Variants in EPHA3 observed in about 807,000 individuals in gnomAD.
EPHA3 encodes the protein EPH receptor A3.
In EPHA3, 42 loss-of-function variants were observed where a neutral mutation model predicts 107.1. That is an observed-to-expected ratio of 0.39 (90% CI 0.31 to 0.51). The LOEUF (loss-of-function observed/expected upper bound fraction) is 0.51, where lower values mean the gene tolerates loss of function less well. EPHA3 is among the 20% of genes least tolerant of loss of function. EPHA3 has a pLI of 0.78. For synonymous variants in EPHA3, 461 were observed against 424.8 expected, an observed-to-expected ratio of 1.09 and a Z score of -1.05; for missense variants, 1,183 against 1,211.2, an observed-to-expected ratio of 0.98 and a Z score of 0.35.
At chr3:89,324,733 A>G (rs534201863) in intron 3 of EPHA3, among the ~76,000 whole-genome samples, 8 of 152,198 alleles carry the variant, frequency 5.3e-5, no homozygotes, top group African/African-American at 1.7e-4. Flanking sequence ...GATTCAGAGC[A>G]TACATGTTCA....
chr3:89,438,677 T>C (rs938958664), intron 13 of EPHA3, among the ~76,000 whole-genome samples: 27 of 152,300 alleles, frequency 1.8e-4, no homozygotes, highest in South Asian at 4.1e-4. Flanking sequence ...AATAACAAAA[T>C]ATCTAATTTG....
intron 5 of EPHA3, among the ~76,000 whole-genome samples, chr3:89,388,152 T>TTTTGA (rs750054780): frequency 3.3e-5 from 5 of 152,158 alleles, no homozygotes; most frequent in Non-Finnish European, 7.4e-5. Flanking sequence ...TTCATTGCCA[T>TTTTGA]TTTGATTTTA....
At chr3:89,224,194 A>G (rs190815424) in intron 3 of EPHA3, among the ~76,000 whole-genome samples, 1 of 152,300 alleles carries the variant, frequency 6.6e-6, no homozygotes, top group Admixed American at 6.5e-5. Context: ...GATTTATAGC[A>G]TCTCTCCTAT....
chr3:89,355,404 C>G (rs949718360), intron 5 of EPHA3, among the ~76,000 whole-genome samples: 5 of 151,272 alleles, frequency 3.3e-5, no homozygotes, highest in African/African-American at 1.2e-4. Flanking sequence ...AAATAATCCA[C>G]TGTTTATAAG....
intron 3 of EPHA3, among the ~76,000 whole-genome samples, chr3:89,339,881 T>G (rs1707478626): frequency 6.6e-6 from 1 of 152,150 alleles, no homozygotes; most frequent in African/African-American, 2.4e-5. Flanking sequence ...GCTTTAGAAG[T>G]TTTAGAAATT....
chr3:89,438,942 T>C (rs1709726563), intron 13 of EPHA3, among the ~76,000 whole-genome samples: 2 of 152,176 alleles, frequency 1.3e-5, no homozygotes, highest in Admixed American at 1.3e-4. Context: ...TTTAAACATG[T>C]AAAAAACAAC....
At chr3:89,445,265 A>G (rs1709858224) in intron 13 of EPHA3, among the ~76,000 whole-genome samples, 1 of 152,164 alleles carries the variant, frequency 6.6e-6, no homozygotes, top group South Asian at 2.1e-4. Context: ...ATGGACTTCA[A>G]CACTAAAATT....
intron 14 of EPHA3, 70 bp downstream of exon 14, chr3:89,449,444 A>C: frequency 7.3e-7 from 1 of 1,368,806 alleles, no homozygotes; most frequent in African/African-American, 1.4e-5. Flanking sequence ...AGTGGAACAT[A>C]ATGTAACTGG....
At chr3:89,157,019 A>T (rs1704822723) in intron 2 of EPHA3, among the ~76,000 whole-genome samples, 1 of 152,084 alleles carries the variant, frequency 6.6e-6, no homozygotes, top group Non-Finnish European at 1.5e-5. Flanking sequence ...TGTGGCAGAA[A>T]CAAGGTGTCT....
At chr3:89,351,285 A>T (rs1226450425) in intron 5 of EPHA3, among the ~76,000 whole-genome samples, 2 of 150,896 alleles carry the variant, frequency 1.3e-5, no homozygotes, top group Non-Finnish European at 3.0e-5. Context: ...TGGGCGTAGG[A>T]CCCTCTGAGC....
At chr3:89,133,851 C>A (rs1255363858) in intron 2 of EPHA3, among the ~76,000 whole-genome samples, 2 of 151,994 alleles carry the variant, frequency 1.3e-5, no homozygotes, top group African/African-American at 4.8e-5. Context: ...ACAGTGACCA[C>A]GGCTTTTTTA....
chr3:89,339,158 G>T (rs928214648), intron 3 of EPHA3, among the ~76,000 whole-genome samples: 3 of 151,994 alleles, frequency 2.0e-5, no homozygotes, highest in African/African-American at 7.2e-5. Context: ...GGATCACAAG[G>T]TCAGGAGGTC....
chr3:89,395,857 A>G lies in EPHA3; in HGVS notation c.1327A>G (p.Ile443Val). 1 of 1,614,010 alleles carries G rather than the reference A, an allele frequency of 6.2e-7. No homozygotes were observed. The highest frequency in any genetic ancestry group is 1.1e-5 in the South Asian group (1 of 91,072). The change falls in exon 6 of 17, where the codon ATT becomes GTT. Residue 443 changes from isoleucine to valine, a missense_variant. Ile to Val is a conservative substitution (Grantham distance 29). Transcript: ENST00000336596. Reference protein sequence around the residue: ...NQAAPSPVLTIKKDRTSRNSI... With the variant: ...NQAAPSPVLTVKKDRTSRNSI... ...TACAGCTCCATCACCTGTCCTGACG[A>G]TTAAGAAAGATCGGACCTCCAGAAA...
chr3:89,413,470 G>A (rs1489209670), intron 10 of EPHA3, among the ~76,000 whole-genome samples: 1 of 151,726 alleles, frequency 6.6e-6, no homozygotes, highest in Non-Finnish European at 1.5e-5. Context: ...GGCTGCTTTT[G>A]ATTTATTAAA....
chr3:89,180,740 G>GA (rs951093435), intron 2 of EPHA3, among the ~76,000 whole-genome samples: 13 of 151,654 alleles, frequency 8.6e-5, no homozygotes, highest in Non-Finnish European at 1.6e-4. Flanking sequence ...ATTTTTTAAG[G>GA]AAAAAAATAG....
chr3:89,443,335 A>C (rs1709819839), intron 13 of EPHA3, among the ~76,000 whole-genome samples: 1 of 152,172 alleles, frequency 6.6e-6, no homozygotes, highest in Admixed American at 6.5e-5. Flanking sequence ...AATTCTACAG[A>C]TACTCTAAAA....
chr3:89,269,082 G>A (rs1705601830), intron 3 of EPHA3, among the ~76,000 whole-genome samples: 1 of 152,044 alleles, frequency 6.6e-6, no homozygotes, highest in Non-Finnish European at 1.5e-5. Context: ...TACTTCGAGT[G>A]TTGCTTTTGT....
chr3:89,425,752 A>G (rs1477067260), intron 11 of EPHA3, among the ~76,000 whole-genome samples: 2 of 151,392 alleles, frequency 1.3e-5, no homozygotes, highest in African/African-American at 4.9e-5. Flanking sequence ...TATATATTTC[A>G]CATTATTCTA....
intron 5 of EPHA3, among the ~76,000 whole-genome samples, chr3:89,356,838 C>T (rs774864467): frequency 1.3e-5 from 2 of 150,444 alleles, no homozygotes; most frequent in Non-Finnish European, 3.0e-5. Context: ...ATTGATAAGA[C>T]TAATAAAAGG....
Sources: gnomAD v4.1 joint callset for allele counts (sites outside exome capture counted in the v4.1 genomes callset) on GRCh38, gnomAD v4.1.1 for gene constraint, MANE v1.5 for transcripts, NCBI Gene and HGNC (gene_info 2026-07-23, HGNC 2026-07-21) for gene names.